Variants in UGT1A8 observed in about 807,000 individuals in gnomAD.
The protein encoded by UGT1A8 is UDP glucuronosyltransferase family 1 member A8.
A neutral mutation model predicts 45.3 loss-of-function variants in UGT1A8; 39 were observed. The observed-to-expected ratio is 0.86, with a 90% CI of 0.67 to 1.12. The LOEUF is 1.12. UGT1A8 is among the 50% of genes most tolerant of loss of function. UGT1A8 has a pLI of 0.00. For missense variants in UGT1A8, 719 were observed against 664.9 expected, an observed-to-expected ratio of 1.08 and a Z score of -0.90; for synonymous variants, 275 against 249.2, an observed-to-expected ratio of 1.10 and a Z score of -0.97.
At chr2:233,713,352 T>C in intron 1 of UGT1A8, 2 of 1,614,192 alleles carry the variant, frequency 1.2e-6, no homozygotes, top group Non-Finnish European at 1.7e-6. Context: ...GAACAATATG[T>C]CTTTGATCAT....
In UGT1A8 at chr2:233,648,301, G is replaced by A. The variant is rs2073653087; in HGVS notation, c.855+29739G>A. 11 of 567,920 alleles carry A rather than the reference G, an allele frequency of 1.9e-5. 1 individual carries two copies. Among genetic ancestry groups the A allele is most frequent in the South Asian group, 1.9e-4 (10 of 53,280 alleles). 35.2% of individuals were successfully genotyped at this position (567,920 alleles called of 1,614,324 possible). ...TCCTTTAGATATGTGTGGCTTAATT[G>A]TTGCCAAATATTTCTCCCTCCTCTC... On this transcript the variant is annotated intron_variant, in intron 1 of 4. Coordinates refer to ENST00000373450, the MANE Select transcript of UGT1A8 (RefSeq NM_019076.5).
chr2:233,744,977 C>T (rs528812849), intron 1 of UGT1A8, among the ~76,000 whole-genome samples: 2 of 151,856 alleles, frequency 1.3e-5, no homozygotes, highest in Non-Finnish European at 1.5e-5. Flanking sequence ...CTTTAAGCCT[C>T]TAGTCATCTC....
chr2:233,772,833 T>TTTAC lies in UGT1A8; in HGVS notation c.*274_*275insTTAC. 1.1e-6 allele frequency: 1 copy of TTTAC among 879,514 alleles called. No homozygotes were observed. Among genetic ancestry groups the TTTAC allele is most frequent in the Non-Finnish European group, 1.6e-6 (1 of 630,664 alleles). The allele number at this position is 879,514 out of a possible 1,614,324, so 54.5% of individuals were successfully genotyped here. A position where few individuals can be genotyped will look rare whatever the true frequency, so the allele number is the denominator to read the frequency against. ...AGGACGTGCAGACAGGCTGGCATTC[T>TTTAC]AGATTACTTTTCTTACTCTGAAACA... On this transcript the variant is annotated 3_prime_UTR_variant, in exon 5 of 5. Transcript: ENST00000373450.
At chr2:233,728,971 A>T (rs1249154361) in intron 1 of UGT1A8, 11 of 1,483,052 alleles carry the variant, frequency 7.4e-6, no homozygotes. Context: ...ACAGTGATAG[A>T]TTAATGGTTA....
Position 233,672,094 on chromosome 2 carries a change from G to A in UGT1A8, c.855+53532G>A, listed in dbSNP as rs1173036460. 1.9e-6 allele frequency: 3 copies of A among 1,614,194 alleles called. No individual in the cohort carries two copies. The highest frequency in any genetic ancestry group is 8.5e-7 in the Non-Finnish European group (1 of 1,180,014). On this transcript the variant is annotated intron_variant, in intron 1 of 4. Transcript: ENST00000373450. ...GGAGAAACTCATTCTCAGGGGGCAT[G>A]AGGTGGTTGTAGTCATGCCAGAGGT...
At chr2:233,697,336 T>C (rs2075385854) in intron 1 of UGT1A8, among the ~76,000 whole-genome samples, 1 of 152,124 alleles carries the variant, frequency 6.6e-6, no homozygotes, top group East Asian at 1.9e-4. Context: ...ATGTATCCAT[T>C]TCCTCTAGGT....
chr2:233,766,951 A>C (rs1699289551), intron 1 of UGT1A8, 83 bp from the exon 2 acceptor site: 10 of 1,601,242 alleles, frequency 6.2e-6, no homozygotes, highest in Non-Finnish European at 8.5e-6. Context: ...CTTAAGAGGA[A>C]GATATCTAAT....
intron 1 of UGT1A8, among the ~76,000 whole-genome samples, chr2:233,654,841 C>G (rs1228750030): frequency 6.6e-6 from 1 of 152,184 alleles, no homozygotes; most frequent in Admixed American, 6.5e-5. Flanking sequence ...CCTGTAATCC[C>G]TGCACTTAGG....
At chr2:233,701,498 T>C (rs1292229198) in intron 1 of UGT1A8, among the ~76,000 whole-genome samples, 11 of 152,126 alleles carry the variant, frequency 7.2e-5, no homozygotes, top group Middle Eastern at 3.2e-3. Context: ...GCGGACCTAA[T>C]AGACATCTAC....
intron 1 of UGT1A8, among the ~76,000 whole-genome samples, chr2:233,644,201 G>T (rs552597238): frequency 6.6e-6 from 1 of 152,308 alleles, no homozygotes; most frequent in African/African-American, 2.4e-5. Flanking sequence ...TTGGCCCTCG[G>T]TGGTGAGGTC....
chr2:233,748,696 G>A (rs1384133711), intron 1 of UGT1A8, among the ~76,000 whole-genome samples: 1 of 151,680 alleles, frequency 6.6e-6, no homozygotes, highest in Non-Finnish European at 1.5e-5. Context: ...GATTTTTCTG[G>A]TCAGGATTTG....
chr2:233,681,853 G>A, intron 1 of UGT1A8: 1 of 1,520,452 alleles, frequency 6.6e-7, no homozygotes, highest in Non-Finnish European at 8.8e-7. Flanking sequence ...CTTCTTTTGA[G>A]GGCAGGTTCT....
intron 1 of UGT1A8, among the ~76,000 whole-genome samples, chr2:233,655,128 TAAAG>T (rs912388758): frequency 2.0e-5 from 3 of 151,942 alleles, no homozygotes; most frequent in East Asian, 1.9e-4. Context: ...AACAGAATAC[TAAAG>T]AAAGAAAGAA....
At chr2:233,696,513 C>T (rs2075347301) in intron 1 of UGT1A8, among the ~76,000 whole-genome samples, 1 of 152,168 alleles carries the variant, frequency 6.6e-6, no homozygotes, top group Non-Finnish European at 1.5e-5. Context: ...TCAGTTCTAA[C>T]AGCTTTTGGG....
chr2:233,701,504 T>C (rs2075633196), intron 1 of UGT1A8, among the ~76,000 whole-genome samples: 1 of 152,122 alleles, frequency 6.6e-6, no homozygotes, highest in Non-Finnish European at 1.5e-5. Flanking sequence ...CTAATAGACA[T>C]CTACAGAACT....
At chr2:233,766,879 G>A (rs1237814699) in intron 1 of UGT1A8, among the ~76,000 whole-genome samples, 155 bp from the exon 2 acceptor site, 1 of 152,170 alleles carries the variant, frequency 6.6e-6, no homozygotes, top group Non-Finnish European at 1.5e-5. Context: ...GGAAAATGCT[G>A]TAAAACTTAC....
At chr2:233,692,792 T>C in intron 1 of UGT1A8, 3 of 1,374,468 alleles carry the variant, frequency 2.2e-6, no homozygotes, top group Non-Finnish European at 9.4e-7. Context: ...AGGTGAAAGC[T>C]GACACGGCCA....
intron 1 of UGT1A8, among the ~76,000 whole-genome samples, chr2:233,717,385 T>G (rs2076570298): frequency 6.6e-6 from 1 of 152,230 alleles, no homozygotes; most frequent in Non-Finnish European, 1.5e-5. Context: ...AGACCTGCCC[T>G]CTCTGTGCCA....
chr2:233,671,693 GC>G (rs1305532679), intron 1 of UGT1A8, among the ~76,000 whole-genome samples: 4 of 152,308 alleles, frequency 2.6e-5, no homozygotes, highest in Non-Finnish European at 5.9e-5. Flanking sequence ...GGCATGTTCT[GC>G]CCCCAAGGCA....
Sources: allele counts gnomAD v4.1 joint callset (sites outside exome capture counted in the v4.1 genomes callset), GRCh38; gene constraint gnomAD v4.1.1; transcripts MANE v1.5; gene names NCBI Gene and HGNC (gene_info 2026-07-23, HGNC 2026-07-21).